MSRA: variants seen among roughly 807,000 people sequenced by gnomAD.
MSRA encodes mitochondrial peptide methionine sulfoxide reductase.
MSRA carries 54 observed loss-of-function variants against 31.3 expected under a neutral mutation model. The observed-to-expected ratio is 1.73, with a 90% CI of 1.39 to 2.17. MSRA has a LOEUF of 2.17. MSRA is among the 30% of genes most tolerant of loss of function. The probability of loss-of-function intolerance (pLI) is 0.00; values close to 1 mark genes in which losing one functional copy is unlikely to be tolerated. For missense variants in MSRA, 507 were observed against 300.9 expected, an observed-to-expected ratio of 1.69 and a Z score of -5.07; for synonymous variants, 169 against 116.5, an observed-to-expected ratio of 1.45 and a Z score of -2.90.
At chr8:10,078,719 T>G (rs1463475565) in intron 1 of MSRA, among the ~76,000 whole-genome samples, 3 of 152,262 alleles carry the variant, frequency 2.0e-5, no homozygotes, top group Non-Finnish European at 4.4e-5. Flanking sequence ...TAACCATTTT[T>G]CTGCCCTTCC....
chr8:10,357,338 A>G (rs932921409), intron 5 of MSRA, among the ~76,000 whole-genome samples: 1 of 152,244 alleles, frequency 6.6e-6, no homozygotes, highest in South Asian at 2.1e-4. Flanking sequence ...GAAAGTCAGA[A>G]TAAATGCTTA....
At chr8:10,426,415 G>A (rs1809168405) in intron 5 of MSRA, among the ~76,000 whole-genome samples, 1 of 152,248 alleles carries the variant, frequency 6.6e-6, no homozygotes, top group African/African-American at 2.4e-5. Context: ...ATTGCCAAAA[G>A]TCATTGCTGA....
At chr8:10,382,437 T>C (rs1415271794) in intron 5 of MSRA, among the ~76,000 whole-genome samples, 1 of 152,150 alleles carries the variant, frequency 6.6e-6, no homozygotes, top group Non-Finnish European at 1.5e-5. Flanking sequence ...GGTGGAAAGG[T>C]CCCTCTAGCA....
intron 3 of MSRA, among the ~76,000 whole-genome samples, chr8:10,286,627 G>A (rs764738): frequency 0.7 from 106,935 of 152,146 alleles, 37,787 homozygotes; most frequent in African/African-American, 0.79. Flanking sequence ...CATTAAACCA[G>A]AGCACTTGTC....
At chr8:10,388,857 T>G (rs895932437) in intron 5 of MSRA, among the ~76,000 whole-genome samples, 1 of 151,536 alleles carries the variant, frequency 6.6e-6, no homozygotes, top group Non-Finnish European at 1.5e-5. Flanking sequence ...CTGCTTCCCC[T>G]GCGACCCACC....
At chr8:10,159,183 A>G (rs932558214) in intron 1 of MSRA, among the ~76,000 whole-genome samples, 1 of 152,134 alleles carries the variant, frequency 6.6e-6, no homozygotes, top group Non-Finnish European at 1.5e-5. Flanking sequence ...TGTCCGTAAG[A>G]ATTTGTGATT....
rs147983554 is a variant in MSRA at position 10,281,073 on chromosome 8, A to G, written c.332-20461A>G. On this transcript the variant is annotated intron_variant, in intron 3 of 5. Transcript: ENST00000317173. ...TTTGGAGTGATAAAAATGTTTTAAAATTGATTGTGGTAATGATTACCCAAC... is the reference window on the plus strand; with the variant it reads ...TTTGGAGTGATAAAAATGTTTTAAAGTTGATTGTGGTAATGATTACCCAAC... Among the ~76,000 whole-genome samples, 556 of 152,322 alleles carry G rather than the reference A, an allele frequency of 3.7e-3. 2 individuals are homozygous for G. Among genetic ancestry groups the G allele is most frequent in the African/African-American group, 0.013 (535 of 41,570 alleles).
intron 1 of MSRA, among the ~76,000 whole-genome samples, chr8:10,096,480 G>C (rs1368888139): frequency 6.6e-6 from 1 of 152,168 alleles, no homozygotes; most frequent in Non-Finnish European, 1.5e-5. Context: ...GAAATGGCTG[G>C]GAATGGTAGA....
chr8:10,236,210 G>A (rs995432209), intron 2 of MSRA, among the ~76,000 whole-genome samples: 4 of 152,136 alleles, frequency 2.6e-5, no homozygotes, highest in African/African-American at 7.2e-5. Context: ...ATGAGACAAG[G>A]ATTCCTAGCA....
intron 1 of MSRA, chr8:10,095,650 T>G: frequency 1.0e-6 from 1 of 996,646 alleles, no homozygotes; most frequent in East Asian, 1.0e-4. Context: ...CAGCTTCTTT[T>G]GTCTGCTTTC....
At chr8:10,164,127 G>A (rs929299407) in intron 1 of MSRA, among the ~76,000 whole-genome samples, 5 of 152,132 alleles carry the variant, frequency 3.3e-5, no homozygotes, top group African/African-American at 9.7e-5. Flanking sequence ...CACAGCTAGC[G>A]TTTTATTGCA....
At chr8:10,145,935 G>T (rs1040650225) in intron 1 of MSRA, among the ~76,000 whole-genome samples, 2 of 152,212 alleles carry the variant, frequency 1.3e-5, no homozygotes, top group African/African-American at 4.8e-5. Context: ...TTTGGTGTGG[G>T]TGGAGAGGAC....
chr8:10,115,170 A>C (rs1337690131), intron 1 of MSRA, among the ~76,000 whole-genome samples: 1 of 152,224 alleles, frequency 6.6e-6, no homozygotes, highest in Non-Finnish European at 1.5e-5. Flanking sequence ...ACTATGTCAA[A>C]AATGTAAAGT....
chr8:10,196,247 T>G (rs187418373), intron 1 of MSRA, among the ~76,000 whole-genome samples: 65 of 152,334 alleles, frequency 4.3e-4, no homozygotes, highest in African/African-American at 1.3e-3. Flanking sequence ...GTGTGCCACC[T>G]TCTCTTCGTG....
chr8:10,252,557 G>T (rs369018196), intron 3 of MSRA, among the ~76,000 whole-genome samples: 1 of 152,130 alleles, frequency 6.6e-6, no homozygotes, highest in Non-Finnish European at 1.5e-5. Context: ...CAGGACTTAG[G>T]ACTAAGAAAG....
chr8:10,237,495 T>G (rs1026457394), intron 2 of MSRA, among the ~76,000 whole-genome samples: 2 of 152,234 alleles, frequency 1.3e-5, no homozygotes, highest in African/African-American at 4.8e-5. Flanking sequence ...AAAATTCTAT[T>G]TAAAAATTTT....
chr8:10,227,808 C>G (rs951662629), intron 2 of MSRA, among the ~76,000 whole-genome samples: 21 of 152,134 alleles, frequency 1.4e-4, no homozygotes, highest in African/African-American at 5.1e-4. Flanking sequence ...TATATGGTTT[C>G]TTTTATTAGC....
At chr8:10,110,374 C>G (rs1800191752) in intron 1 of MSRA, among the ~76,000 whole-genome samples, 2 of 152,140 alleles carry the variant, frequency 1.3e-5, no homozygotes. Context: ...GCCTCCCTCC[C>G]ATTTTGTTAC....
rs750161177 is a variant in MSRA, at chr8:10,407,004, A to G, written c.544-21144A>G. 2.6e-5 allele frequency among the ~76,000 whole-genome samples: 4 copies of G among 152,124 alleles called. No individual in the cohort carries two copies. The South Asian group carries it at 8.3e-4, about 32-fold the overall frequency. ...GTAATCCTTCCATCTCGGTCTCCCA[A>G]ATAGCTGAGGCCACAGGTGTGTGTC... On this transcript the variant is annotated intron_variant, in intron 5 of 5. Coordinates refer to ENST00000317173, the MANE Select transcript of MSRA (RefSeq NM_012331.5).
Sources: allele counts gnomAD v4.1 joint callset (sites outside exome capture counted in the v4.1 genomes callset), GRCh38; gene constraint gnomAD v4.1.1; transcripts MANE v1.5; gene names NCBI Gene and HGNC (gene_info 2026-07-23, HGNC 2026-07-21).